The following RARS2 variants were observed in gnomAD, a reference collection of about 807,000 sequenced individuals.
RARS2 encodes the protein probable arginine--tRNA ligase, mitochondrial.
Under a neutral mutation model 88.5 loss-of-function variants are expected in RARS2, and 67 were observed. The ratio of observed to expected loss-of-function variants is 0.76; its 90% confidence interval spans 0.62 to 0.93. The LOEUF is 0.93. Ranked by LOEUF, RARS2 falls within the 40% of genes least tolerant of loss-of-function variation. RARS2 has a pLI of 0.00. For missense variants in RARS2, 664 were observed against 684.2 expected (o/e 0.97, Z 0.33); for synonymous variants, 239 against 230.3 (o/e 1.04, Z -0.34).
Position 87,517,552 on chromosome 6 carries a change from A to G in RARS2, c.1511+617T>C, listed in dbSNP as rs1307502495. Among the ~76,000 whole-genome samples the G allele has an allele frequency of 5.3e-5, 8 of 152,230 alleles. No individual in the cohort carries two copies. In the East Asian group the frequency reaches 1.3e-3, roughly 26 times the overall value. ...TTTTTCCGTACATTCCCTATTGTAC[A>G]TGTGAGTAAATTTTTCTGATTCCAG... On this transcript the variant is annotated intron_variant, in intron 17 of 19. Transcript: ENST00000369536.
intron 1 of RARS2, among the ~76,000 whole-genome samples, chr6:87,587,323 G>A (rs1269477583): frequency 6.6e-6 from 1 of 152,154 alleles, no homozygotes; most frequent in African/African-American, 2.4e-5. Flanking sequence ...CCAGCTTAGG[G>A]ATGCTCAAAC....
chr6:87,548,055 T>G (rs1180600822), intron 6 of RARS2, among the ~76,000 whole-genome samples: 1 of 152,202 alleles, frequency 6.6e-6, no homozygotes, highest in Non-Finnish European at 1.5e-5. Context: ...CAAAAATTGT[T>G]ATTAAGTAGA....
Position 87,529,534 on chromosome 6 carries a change from G to A in RARS2, c.878+8C>T. ...TAATTTTACTGAAGAATAGTAACCT[G>A]ATCATACATTGTTTTCAGTAGGAGT... On this transcript the variant is annotated splice_region_variant and intron_variant, in intron 10 of 19. Transcript: ENST00000369536. 6.8e-7 allele frequency: 1 copy of A among 1,473,080 alleles called. No individual in the cohort carries two copies. The allele number at this position is 1,473,080 out of a possible 1,614,324, so 91.3% of individuals were successfully genotyped here.
At chr6:87,565,764 T>C (rs1767680605) in intron 2 of RARS2, among the ~76,000 whole-genome samples, 1 of 152,214 alleles carries the variant, frequency 6.6e-6, no homozygotes, top group Non-Finnish European at 1.5e-5. Context: ...GTGTTTAATA[T>C]GGAACTAGAG....
chr6:87,569,828 G>A (rs925748035), intron 1 of RARS2, among the ~76,000 whole-genome samples: 1 of 151,784 alleles, frequency 6.6e-6, no homozygotes, highest in African/African-American at 2.4e-5. Flanking sequence ...AAGGGTTAAG[G>A]GGAGGATTTG....
chr6:87,569,552 G>C lies in RARS2; in HGVS notation c.75C>G (p.Ile25Met). The C allele has an allele frequency of 6.2e-7, 1 of 1,606,646 alleles. No homozygotes were observed. Among genetic ancestry groups the C allele is most frequent in the Non-Finnish European group, 8.5e-7 (1 of 1,173,472 alleles). Reference protein sequence around the residue: ...RVLNLPPENLITSISAVPISQ... With the variant: ...RVLNLPPENLMTSISAVPISQ... ...AAATTGGAACTGCAGATATTGATGTGATCAAGTTTTCTGGTGGAAGATTCA... is the reference window on the plus strand; with the variant it reads ...AAATTGGAACTGCAGATATTGATGTCATCAAGTTTTCTGGTGGAAGATTCA... The change falls in exon 2 of 20, where the codon ATC (isoleucine) becomes ATG (methionine). Residue 25 changes from isoleucine (I) to methionine (M), a missense_variant. Transcript: ENST00000369536.
chr6:87,569,644 TC>T, intron 1 of RARS2, 54 bp from the exon 2 acceptor site: 1 of 1,324,092 alleles, frequency 7.6e-7, no homozygotes. Context: ...TTTGTTCCAT[TC>T]AATGGAATAC....
chr6:87,539,188 C>T (rs1450463205), intron 8 of RARS2, among the ~76,000 whole-genome samples: 2 of 152,128 alleles, frequency 1.3e-5, no homozygotes, highest in Non-Finnish European at 2.9e-5. Flanking sequence ...ACATGTCATG[C>T]TGCACTCTAA....
chr6:87,589,814 T>C (rs538564910), intron 1 of RARS2, 108 bp downstream of exon 1: 2 of 1,611,814 alleles, frequency 1.2e-6, no homozygotes, highest in East Asian at 2.2e-5. Context: ...ACTAACAGGA[T>C]TCCGTGGGAC....
chr6:87,535,137 T>C (rs928647330), intron 8 of RARS2, among the ~76,000 whole-genome samples: 1 of 152,004 alleles, frequency 6.6e-6, no homozygotes, highest in African/African-American at 2.4e-5. Flanking sequence ...ATATAAATGT[T>C]ATTAAGGAAC....
chr6:87,578,581 C>T (rs1772354780), intron 1 of RARS2, among the ~76,000 whole-genome samples: 1 of 152,190 alleles, frequency 6.6e-6, no homozygotes, highest in African/African-American at 2.4e-5. Flanking sequence ...ACTAACTCCA[C>T]ATGGTGCTAA....
At chr6:87,579,471 C>G (rs1226924128) in intron 1 of RARS2, among the ~76,000 whole-genome samples, 1 of 152,086 alleles carries the variant, frequency 6.6e-6, no homozygotes, top group Non-Finnish European at 1.5e-5. Flanking sequence ...GGCCGATGCC[C>G]AACCTCAGGC....
rs28381457 is a variant in RARS2, at chr6:87,589,729, A to T, written c.36+193T>A. Reference sequence around the variant, plus strand: ...TCAAAGTTTACTTTTCACCGAGACAAACTGATCCCAGCCGACGCTCCACAG... The same window carrying T: ...TCAAAGTTTACTTTTCACCGAGACATACTGATCCCAGCCGACGCTCCACAG... On this transcript the variant is annotated intron_variant, in intron 1 of 19. Coordinates refer to ENST00000369536, the MANE Select transcript of RARS2 (RefSeq NM_020320.5). 1,951 of 985,306 alleles carry T rather than the reference A, an allele frequency of 2.0e-3. 28 individuals carry two copies. In the African/African-American group the frequency reaches 0.031, roughly 16 times the overall value. 61.0% of individuals were successfully genotyped at this position (985,306 alleles called of 1,614,324 possible).
chr6:87,577,732 C>G (rs1772010305), intron 1 of RARS2, among the ~76,000 whole-genome samples: 1 of 152,138 alleles, frequency 6.6e-6, no homozygotes, highest in African/African-American at 2.4e-5. Context: ...AGTTACCCAA[C>G]ATAAATTGGT....
chr6:87,515,835 G>C (rs148366063), intron 18 of RARS2: 111 of 152,058 alleles, frequency 7.3e-4, no homozygotes, highest in African/African-American at 2.5e-3. Flanking sequence ...GCACGTGCCT[G>C]TAATCCCAGC....
At chr6:87,565,440 A>T (rs1767580010) in intron 2 of RARS2, among the ~76,000 whole-genome samples, 1 of 152,216 alleles carries the variant, frequency 6.6e-6, no homozygotes, top group Non-Finnish European at 1.5e-5. Context: ...CGTGAAAATA[A>T]ATCATTTGCA....
chr6:87,583,697 AC>A (rs1303281072), intron 1 of RARS2, among the ~76,000 whole-genome samples: 5 of 152,196 alleles, frequency 3.3e-5, no homozygotes, highest in African/African-American at 1.2e-4. Context: ...GGAGCCAGAC[AC>A]GTACTGGCCA....
intron 1 of RARS2, among the ~76,000 whole-genome samples, chr6:87,588,893 C>T (rs1294158460): frequency 6.6e-6 from 1 of 152,154 alleles, no homozygotes; most frequent in Non-Finnish European, 1.5e-5. Context: ...AATACACTAC[C>T]AAAGCTCTCA....
Position 87,569,722 on chromosome 6 carries a change from A to C in RARS2, c.37-132T>G, listed in dbSNP as rs1582776286. On this transcript the variant is annotated intron_variant, in intron 1 of 19. Coordinates refer to ENST00000369536, the MANE Select transcript of RARS2 (RefSeq NM_020320.5). ...GCTCCAAATGCATTCCAAGTGAAGGAAGCCAGATTCAAAAAGGTATATAGT... is the reference window on the plus strand; with the variant it reads ...GCTCCAAATGCATTCCAAGTGAAGGCAGCCAGATTCAAAAAGGTATATAGT... The C allele has an allele frequency of 2.0e-5, 15 of 758,624 alleles. No homozygotes were observed. In the East Asian group the frequency reaches 4.0e-4, roughly 20 times the overall value. The allele number at this position is 758,624 out of a possible 1,614,324, so 47.0% of individuals were successfully genotyped here. A position where few individuals can be genotyped will look rare whatever the true frequency, so the allele number is the denominator to read the frequency against.
Sources: allele counts gnomAD v4.1 joint callset (sites outside exome capture counted in the v4.1 genomes callset), GRCh38; gene constraint gnomAD v4.1.1; transcripts MANE v1.5; gene names NCBI Gene and HGNC (gene_info 2026-07-23, HGNC 2026-07-21).